The following PARD3 variants were observed in gnomAD, a reference collection of about 807,000 sequenced individuals.
PARD3 encodes partitioning defective 3 homolog.
Under a neutral mutation model 155.4 loss-of-function variants are expected in PARD3, and 75 were observed. The observed-to-expected ratio is 0.48, with a 90% CI of 0.40 to 0.58. The LOEUF is 0.58. Ranked by LOEUF, PARD3 falls within the 20% of genes least tolerant of loss-of-function variation. The pLI is 0.00. For synonymous variants in PARD3, 576 were observed against 610.5 expected (o/e 0.94, Z 0.83); for missense variants, 1,642 against 1,721.7 (o/e 0.95, Z 0.82).
At chr10:34,315,829 A>G (rs1420763800) in intron 20 of PARD3, among the ~76,000 whole-genome samples, 1 of 152,224 alleles carries the variant, frequency 6.6e-6, no homozygotes, top group African/African-American at 2.4e-5. Context: ...AAAATCCCAC[A>G]GTTCTGAAGC....
intron 3 of PARD3, among the ~76,000 whole-genome samples, chr10:34,493,693 T>C (rs190768735): frequency 5.1e-4 from 77 of 151,558 alleles, no homozygotes; most frequent in African/African-American, 1.6e-3. Flanking sequence ...GATAGTGCCA[T>C]TGCACTCTAA....
intron 19 of PARD3, among the ~76,000 whole-genome samples, chr10:34,318,407 A>G (rs1040304714): frequency 6.6e-6 from 1 of 152,178 alleles, no homozygotes. Context: ...ATCAACAAAG[A>G]AAGTATAGAT....
chr10:34,259,707 T>G (rs1401566803), intron 22 of PARD3, among the ~76,000 whole-genome samples: 1 of 152,178 alleles, frequency 6.6e-6, no homozygotes, highest in East Asian at 1.9e-4. Context: ...AGAGAAGATA[T>G]GGCAATCTAC....
intron 22 of PARD3, among the ~76,000 whole-genome samples, chr10:34,136,138 G>A (rs977997232): frequency 6.6e-6 from 1 of 152,158 alleles, no homozygotes; most frequent in African/African-American, 2.4e-5. Flanking sequence ...GCTTCTCCAG[G>A]CTATTTACTT....
At chr10:34,257,649 C>A (rs1660636) in intron 22 of PARD3, among the ~76,000 whole-genome samples, 19,318 of 152,088 alleles carry the variant, frequency 0.13, 3,124 homozygotes, top group African/African-American at 0.38. Context: ...CGACCAAAGT[C>A]TAAAACAGCT....
chr10:34,687,268 C>T (rs1314685757), intron 2 of PARD3, among the ~76,000 whole-genome samples: 1 of 152,100 alleles, frequency 6.6e-6, no homozygotes. Context: ...AAGTTAGAGA[C>T]TATACCCAGG....
chr10:34,537,052 T>C (rs2083278284), intron 2 of PARD3, among the ~76,000 whole-genome samples: 1 of 152,204 alleles, frequency 6.6e-6, no homozygotes, highest in Non-Finnish European at 1.5e-5. Flanking sequence ...ATCCTGGCTG[T>C]AGTGCAATGG....
chr10:34,755,666 T>A (rs1156936750), intron 1 of PARD3, among the ~76,000 whole-genome samples: 1 of 152,000 alleles, frequency 6.6e-6, no homozygotes, highest in African/African-American at 2.4e-5. Flanking sequence ...CCAAGAACAG[T>A]CTCTCCTCAA....
At chr10:34,197,673 G>T (rs931142055) in intron 22 of PARD3, among the ~76,000 whole-genome samples, 1 of 152,184 alleles carries the variant, frequency 6.6e-6, no homozygotes, top group Non-Finnish European at 1.5e-5. Flanking sequence ...TTCTTCGTTT[G>T]AATTCTCCAC....
chr10:34,775,425 A>G (rs533839701), intron 1 of PARD3, among the ~76,000 whole-genome samples: 8 of 152,212 alleles, frequency 5.3e-5, no homozygotes, highest in Admixed American at 3.3e-4. Context: ...CAGGAGGATC[A>G]CTTTAGCCCA....
rs752656950 is a variant in PARD3 at position 34,517,173 on chromosome 10, G to A, written c.223-14C>T. On this transcript the variant is annotated splice_polypyrimidine_tract_variant and intron_variant, in intron 2 of 24. Coordinates refer to ENST00000374788, the MANE Select transcript of PARD3 (RefSeq NM_001184785.2). ...CACTGCTACCAGCTAGAAATGAAAG[G>A]TAAATGTGCACTTATAAATAAAGGC... The A allele has an allele frequency of 1.9e-6, 3 of 1,610,532 alleles. No homozygotes were observed. The South Asian group carries it at 3.3e-5, about 18-fold the overall frequency.
chr10:34,756,150 C>CAT (rs755572719), intron 1 of PARD3, among the ~76,000 whole-genome samples: 6 of 94,560 alleles, frequency 6.3e-5, no homozygotes, highest in African/African-American at 2.5e-4. Flanking sequence ...AAAAATGCAC[C>CAT]TTTTTTTTTT....
intron 20 of PARD3, among the ~76,000 whole-genome samples, chr10:34,298,612 G>A (rs1436647247): frequency 2.6e-5 from 4 of 152,180 alleles, no homozygotes; most frequent in African/African-American, 9.7e-5. Flanking sequence ...GGGAGATAGC[G>A]GCTGATGGGT....
intron 3 of PARD3, among the ~76,000 whole-genome samples, chr10:34,511,888 C>A (rs748960834): frequency 6.6e-6 from 1 of 152,062 alleles, no homozygotes; most frequent in Non-Finnish European, 1.5e-5. Flanking sequence ...ACCATGCCCA[C>A]CTAATATTTT....
chr10:34,544,676 C>T (rs1292998754), intron 2 of PARD3, among the ~76,000 whole-genome samples: 1 of 152,150 alleles, frequency 6.6e-6, no homozygotes, highest in Non-Finnish European at 1.5e-5. Flanking sequence ...AATACCAACT[C>T]AAGTTTGGGA....
intron 3 of PARD3, among the ~76,000 whole-genome samples, chr10:34,499,313 A>G (rs1479186606): frequency 6.6e-6 from 1 of 152,168 alleles, no homozygotes; most frequent in African/African-American, 2.4e-5. Context: ...CCAAATAGTT[A>G]TTGTTTCAGA....
At chr10:34,359,446 T>A in intron 13 of PARD3, 129 bp from the exon 14 acceptor site, 7 of 656,260 alleles carry the variant, frequency 1.1e-5, no homozygotes, top group Non-Finnish European at 1.5e-5. Context: ...TTAATCCTAA[T>A]GGATTATGCC....
chr10:34,785,286 T>C (rs1223630906), intron 1 of PARD3, among the ~76,000 whole-genome samples: 2 of 152,194 alleles, frequency 1.3e-5, no homozygotes, highest in East Asian at 3.8e-4. Flanking sequence ...AAAACCTCAA[T>C]ATCCAAAAAC....
chr10:34,321,831 A>G (rs971047364), intron 19 of PARD3, among the ~76,000 whole-genome samples: 1 of 152,164 alleles, frequency 6.6e-6, no homozygotes, highest in African/African-American at 2.4e-5. Context: ...TGATGGAGAA[A>G]ATGACTTTGG....
Sources: gnomAD v4.1 joint callset for allele counts (sites outside exome capture counted in the v4.1 genomes callset) on GRCh38, gnomAD v4.1.1 for gene constraint, MANE v1.5 for transcripts, NCBI Gene and HGNC (gene_info 2026-07-23, HGNC 2026-07-21) for gene names.